TRMT11: variants seen among roughly 807,000 people sequenced by gnomAD.
TRMT11 encodes tRNA (guanine(10)-N(2))-methyltransferase TRMT11.
TRMT11 carries 53 observed loss-of-function variants against 62.8 expected under a neutral mutation model. The observed-to-expected ratio is 0.84, with a 90% CI of 0.68 to 1.06. The LOEUF is 1.06. TRMT11 is among the 50% of genes least tolerant of loss of function. TRMT11 has a pLI of 0.00. For synonymous variants in TRMT11, 188 were observed against 190.3 expected (o/e 0.99, Z 0.10); for missense variants, 556 against 553.4 (o/e 1.00, Z -0.05).
chr6:126,021,309 A>G, intron 12 of TRMT11, 29 bp downstream of exon 12: 1 of 1,607,990 alleles, frequency 6.2e-7, no homozygotes, highest in Non-Finnish European at 8.5e-7. Flanking sequence ...TTTGGGATAA[A>G]TTCTGAAAGA....
intron 1 of TRMT11, among the ~76,000 whole-genome samples, chr6:126,197,074 GTCTGTCTGTTGTCTA>G (rs1554246652): frequency 1.3e-5 from 2 of 152,112 alleles, no homozygotes. Flanking sequence ...TCTATCATCT[GTCTGTCTGTTGTCTA>G]TTTATTCTTA....
At chr6:126,033,550 G>A (rs996472236) in intron 12 of TRMT11, among the ~76,000 whole-genome samples, 7 of 152,200 alleles carry the variant, frequency 4.6e-5, no homozygotes, top group African/African-American at 1.7e-4. Context: ...AGTGTTACAC[G>A]TTAGAATCGC....
At chr6:126,104,987 C>T (rs935514304) in intron 17 of TRMT11, among the ~76,000 whole-genome samples, 13 of 152,230 alleles carry the variant, frequency 8.5e-5, no homozygotes, top group African/African-American at 3.1e-4. Flanking sequence ...TCCTGTGACT[C>T]ATTTTTGGAG....
chr6:126,148,879 A>C (rs185889468), intron 21 of TRMT11, among the ~76,000 whole-genome samples: 158 of 152,356 alleles, frequency 1.0e-3, no homozygotes, highest in East Asian at 2.3e-3. Flanking sequence ...TTGTCATAAG[A>C]CTTGATTCAG....
chr6:126,162,787 A>G (rs1778206389), intron 21 of TRMT11, among the ~76,000 whole-genome samples: 1 of 152,122 alleles, frequency 6.6e-6, no homozygotes, highest in Non-Finnish European at 1.5e-5. Flanking sequence ...CATCCCTTGT[A>G]AGTTGGATTC....
intron 12 of TRMT11, among the ~76,000 whole-genome samples, chr6:126,026,800 G>A (rs1253214687): frequency 7.0e-6 from 1 of 143,664 alleles, no homozygotes; most frequent in African/African-American, 2.8e-5. Context: ...GTGGTTTTTT[G>A]GGTTTTTTTT....
At chr6:125,998,794 A>T in intron 6 of TRMT11, 110 bp downstream of exon 6, 1 of 999,142 alleles carries the variant, frequency 1.0e-6, no homozygotes. Context: ...AGTCAGAACT[A>T]CTGAATGGAT....
At chr6:126,193,601 T>C (rs1257603522) in intron 1 of TRMT11, among the ~76,000 whole-genome samples, 1 of 146,840 alleles carries the variant, frequency 6.8e-6, no homozygotes, top group Non-Finnish European at 1.5e-5. Flanking sequence ...CACGCCATTC[T>C]CCTGCCTCAG....
chr6:126,064,364 A>G (rs2128130825), intron 17 of TRMT11, among the ~76,000 whole-genome samples: 1 of 152,266 alleles, frequency 6.6e-6, no homozygotes, highest in African/African-American at 2.4e-5. Flanking sequence ...CAGCTCCAGA[A>G]GGATTAGTAC....
chr6:126,011,519 G>A (rs1389005841), intron 9 of TRMT11, 102 bp downstream of exon 9: 1 of 974,550 alleles, frequency 1.0e-6, no homozygotes, highest in Non-Finnish European at 1.5e-6. Flanking sequence ...ATGCCAACTT[G>A]TCAGTATTTC....
At chr6:125,988,448 T>G (rs1583609960) in intron 1 of TRMT11, among the ~76,000 whole-genome samples, 1 of 152,086 alleles carries the variant, frequency 6.6e-6, no homozygotes, top group East Asian at 1.9e-4. Context: ...TGAGTGTATT[T>G]GTAGGCTGAT....
the TRMT11 span, among the ~76,000 whole-genome samples, chr6:126,252,663 A>G: frequency 2.7e-3 from 414 of 152,272 alleles, 1 homozygote; most frequent in African/African-American, 9.5e-3. Context: ...GAAGTGAAAA[A>G]AGCAAATAGA....
chr6:126,116,032 T>G (rs1181284044), intron 21 of TRMT11, among the ~76,000 whole-genome samples: 1 of 151,696 alleles, frequency 6.6e-6, no homozygotes, highest in Non-Finnish European at 1.5e-5. Flanking sequence ...TTTTTTTTTT[T>G]TTAATTTTCA....
intron 7 of TRMT11, among the ~76,000 whole-genome samples, chr6:126,003,629 G>A (rs1036249773): frequency 1.3e-5 from 2 of 151,984 alleles, no homozygotes; most frequent in Non-Finnish European, 2.9e-5. Context: ...CTATGGTTAC[G>A]AATGAAGTAT....
At chr6:126,129,622 A>T (rs1359074906) in intron 21 of TRMT11, among the ~76,000 whole-genome samples, 1 of 152,012 alleles carries the variant, frequency 6.6e-6, no homozygotes, top group Non-Finnish European at 1.5e-5. Context: ...TCCCAGCCTC[A>T]GGTGATCCTC....
intron 7 of TRMT11, among the ~76,000 whole-genome samples, chr6:126,007,779 T>G (rs1419636568): frequency 6.6e-6 from 1 of 152,028 alleles, no homozygotes; most frequent in African/African-American, 2.4e-5. Flanking sequence ...ATTAATTATT[T>G]TGTGCATGTT....
At chr6:126,263,772 A>T in the TRMT11 span, among the ~76,000 whole-genome samples, 1 of 152,196 alleles carries the variant, frequency 6.6e-6, no homozygotes, top group African/African-American at 2.4e-5. Context: ...CTGCAGAGAG[A>T]GGCACAAATG....
chr6:126,076,193 A>T (rs748821852), intron 17 of TRMT11, among the ~76,000 whole-genome samples: 4 of 152,164 alleles, frequency 2.6e-5, no homozygotes, highest in Non-Finnish European at 4.4e-5. Context: ...AGCAGAACCC[A>T]CATTTCCTTA....
the TRMT11 span, among the ~76,000 whole-genome samples, chr6:126,210,888 G>A: frequency 3.3e-5 from 5 of 151,994 alleles, no homozygotes; most frequent in East Asian, 7.7e-4. Context: ...ATTTGTGGCC[G>A]GTGCTTCAGT....
Sources: gnomAD v4.1 joint callset for allele counts (sites outside exome capture counted in the v4.1 genomes callset) on GRCh38, gnomAD v4.1.1 for gene constraint, MANE v1.5 for transcripts, NCBI Gene and HGNC (gene_info 2026-07-23, HGNC 2026-07-21) for gene names.